TLK1: variants seen among roughly 807,000 people sequenced by gnomAD.
TLK1 encodes the protein tousled like kinase 1.
Under a neutral mutation model 105.3 loss-of-function variants are expected in TLK1, and 24 were observed. The ratio of observed to expected loss-of-function variants is 0.23; its 90% CI spans 0.17 to 0.32. The LOEUF (loss-of-function observed/expected upper bound fraction) is 0.32. TLK1 is among the 10% of genes least tolerant of loss of function. The pLI, the probability that TLK1 is intolerant of heterozygous loss-of-function variation, is 1.00. For missense variants in TLK1, 558 were observed against 910.5 expected (o/e 0.61, Z 4.98); for synonymous variants, 321 against 310.4 (o/e 1.03, Z -0.36).
At chr2:171,084,155 C>T (rs951807124) in intron 2 of TLK1, among the ~76,000 whole-genome samples, 9 of 151,998 alleles carry the variant, frequency 5.9e-5, no homozygotes, top group South Asian at 2.1e-4. Flanking sequence ...TGGGAGGAAA[C>T]AGAAAGAAAC....
At chr2:171,089,713 A>T (rs1220866284) in intron 2 of TLK1, among the ~76,000 whole-genome samples, 1 of 152,272 alleles carries the variant, frequency 6.6e-6, no homozygotes, top group East Asian at 1.9e-4. Flanking sequence ...TCTGTCACTC[A>T]GGCTGGAGTG....
chr2:171,195,477 A>G lies in TLK1; in HGVS notation c.-6+35668T>C, dbSNP rs929838864. ...CAGATGGCGCCACTGCACTCCAGCTAGGTGACAGAGCAAGACTCTGTCTCA... is the reference window on the plus strand; with the variant it reads ...CAGATGGCGCCACTGCACTCCAGCTGGGTGACAGAGCAAGACTCTGTCTCA... On this transcript the variant is annotated intron_variant, in intron 1 of 20. Coordinates refer to the TLK1 transcript ENST00000521943. Among the ~76,000 whole-genome samples, 16 of 136,684 alleles carry G rather than the reference A, an allele frequency of 1.2e-4. No individual in the cohort carries two copies. In the East Asian group the frequency reaches 2.1e-3, roughly 18 times the overall value. 89.7% of individuals were successfully genotyped at this position (136,684 alleles called of 152,430 possible).
chr2:171,086,366 C>T (rs1688972675), intron 2 of TLK1, among the ~76,000 whole-genome samples: 1 of 152,134 alleles, frequency 6.6e-6, no homozygotes, highest in Admixed American at 6.5e-5. Context: ...TGGCTCGCGC[C>T]TGTAATCCCA....
intron 3 of TLK1, among the ~76,000 whole-genome samples, chr2:171,073,782 A>G (rs951208684): frequency 1.1e-4 from 17 of 152,120 alleles, no homozygotes; most frequent in East Asian, 1.9e-4. Flanking sequence ...AAAAAGTTAC[A>G]AAGTAATTTC....
At chr2:171,182,922 CAAAA>C (rs756752409) in intron 1 of TLK1, among the ~76,000 whole-genome samples, 2 of 61,436 alleles carry the variant, frequency 3.3e-5, no homozygotes, top group African/African-American at 4.8e-5. Context: ...ACCCTGACTC[CAAAA>C]AAAAAAAAAA....
intron 1 of TLK1, among the ~76,000 whole-genome samples, chr2:171,177,948 C>T (rs1485264755): frequency 6.6e-6 from 1 of 152,008 alleles, no homozygotes; most frequent in African/African-American, 2.4e-5. Context: ...CATGCACCAC[C>T]ACACCTGGCT....
rs144361849 is a variant in TLK1, at chr2:171,050,096, T to C, written c.811A>G (p.Ile271Val). The C allele has an allele frequency of 6.2e-6, 10 of 1,601,234 alleles. No individual in the cohort carries two copies. Among genetic ancestry groups the C allele is most frequent in the African/African-American group, 2.7e-5 (2 of 74,718 alleles). Reference sequence around the variant, plus strand: ...ATAAGAAGTTTCTTGCTCATTGATATGCACTTATTTAATCGTTCTTTGTAT... The same window carrying C: ...ATAAGAAGTTTCTTGCTCATTGATACGCACTTATTTAATCGTTCTTTGTAT... ...EKYKERLNKC[I>V]SMSKKLLIEK... Residue 271 changes from isoleucine to valine, a missense_variant, in exon 9 of 21, where the codon ATA becomes GTA. Physicochemically the swap from Ile to Val is conservative, Grantham distance 29. This residue lies in a region of TLK1 where 196 missense variants were observed against 239.3 expected (regional missense o/e 0.82). Transcript: ENST00000431350.
intron 1 of TLK1, among the ~76,000 whole-genome samples, chr2:171,225,974 G>T (rs1277617052): frequency 6.6e-6 from 1 of 151,938 alleles, no homozygotes; most frequent in African/African-American, 2.4e-5. Flanking sequence ...TCTGGTATTA[G>T]GTTTGTTTTT....
intron 1 of TLK1, among the ~76,000 whole-genome samples, chr2:171,197,438 T>C (rs1472215684): frequency 6.6e-6 from 1 of 152,132 alleles, no homozygotes; most frequent in Non-Finnish European, 1.5e-5. Context: ...TAGTATTCAA[T>C]GTGATGTTTT....
intron 1 of TLK1, among the ~76,000 whole-genome samples, chr2:171,185,414 T>C (rs1022228875): frequency 6.6e-6 from 1 of 152,204 alleles, no homozygotes; most frequent in Non-Finnish European, 1.5e-5. Flanking sequence ...TTCCTTGGTA[T>C]GGCAAATAAA....
chr2:171,146,534 G>A (rs1379914829), intron 1 of TLK1, among the ~76,000 whole-genome samples: 1 of 152,064 alleles, frequency 6.6e-6, no homozygotes, highest in African/African-American at 2.4e-5. Flanking sequence ...ATATGACGGT[G>A]GAAATAGTTT....
chr2:171,129,543 T>G lies in TLK1; in HGVS notation c.140-11686A>C, dbSNP rs187254816. On this transcript the variant is annotated intron_variant, in intron 1 of 20. Transcript: ENST00000431350. The stretch of plus-strand genomic sequence containing the variant: ...TTAAAGCACAACTGAAAACAATGAA[T>G]GAAAATCAACAAGGGGCCAGGAGTG... Among the ~76,000 whole-genome samples the G allele has an allele frequency of 3.5e-4, 54 of 152,194 alleles. No homozygotes were observed. In the East Asian group the frequency reaches 0.01, roughly 29 times the overall value.
intron 11 of TLK1, among the ~76,000 whole-genome samples, chr2:171,031,255 C>G (rs1686032054): frequency 6.6e-6 from 1 of 152,074 alleles, no homozygotes; most frequent in Non-Finnish European, 1.5e-5. Context: ...CTTCGATAAC[C>G]TCTGTTGTCC....
chr2:171,060,084 A>AT, intron 4 of TLK1: 4 of 1,547,364 alleles, frequency 2.6e-6, no homozygotes, highest in Non-Finnish European at 3.5e-6. Flanking sequence ...TAAAGCAAAT[A>AT]TAAGTGAGGA....
chr2:171,185,607 A>G (rs772699324), intron 1 of TLK1, among the ~76,000 whole-genome samples: 12 of 152,190 alleles, frequency 7.9e-5, no homozygotes, highest in Non-Finnish European at 1.6e-4. Flanking sequence ...GCCAATTAGC[A>G]CTGTACATTC....
rs900164654 is a variant in TLK1, at chr2:170,993,431, A to C, written c.*349T>G. 7 of 174,492 alleles carry C rather than the reference A, an allele frequency of 4.0e-5. No individual in the cohort carries two copies. The highest frequency in any genetic ancestry group is 7.2e-5 in the Non-Finnish European group (6 of 83,302). 10.8% of individuals were successfully genotyped at this position (174,492 alleles called of 1,614,324 possible). A position where few individuals can be genotyped will look rare whatever the true frequency, so the allele number is the denominator to read the frequency against. ...CTTCATATTAGAACTCTCTAGTAACAACCAAATGTATTTAAGTATTATAAA... is the reference window on the plus strand; with the variant it reads ...CTTCATATTAGAACTCTCTAGTAACCACCAAATGTATTTAAGTATTATAAA... On this transcript the variant is annotated 3_prime_UTR_variant, in exon 21 of 21. Coordinates refer to ENST00000431350, the MANE Select transcript of TLK1 (RefSeq NM_012290.5).
intron 3 of TLK1, among the ~76,000 whole-genome samples, chr2:171,068,656 A>C (rs1255856545): frequency 6.6e-6 from 1 of 152,208 alleles, no homozygotes; most frequent in East Asian, 1.9e-4. Context: ...AAGTGATGTT[A>C]TGTATCATCA....
chr2:171,165,206 G>A (rs1692585285), upstream of TLK1, among the ~76,000 whole-genome samples: 1 of 152,222 alleles, frequency 6.6e-6, no homozygotes, highest in African/African-American at 2.4e-5. Flanking sequence ...TAGTAAACCT[G>A]CCTAGAAAGA....
At chr2:171,023,420 C>CACACACACACACACACACACCAAA (rs1455158824) in intron 12 of TLK1, among the ~76,000 whole-genome samples, 5 of 151,630 alleles carry the variant, frequency 3.3e-5, no homozygotes, top group African/African-American at 1.2e-4. Context: ...CACATACACA[C>CACACACACACACACACACACCAAA]ACACACACAC....
Sources: allele counts gnomAD v4.1 joint callset (sites outside exome capture counted in the v4.1 genomes callset), GRCh38; gene constraint gnomAD v4.1.1; regional missense constraint gnomAD v4.1.1; transcripts MANE v1.5; gene names NCBI Gene and HGNC (gene_info 2026-07-23, HGNC 2026-07-21).